Variants in LRP1B observed in about 807,000 individuals in gnomAD.
The protein encoded by LRP1B is low-density lipoprotein receptor-related protein 1B.
In LRP1B, 217 loss-of-function variants were observed where a neutral mutation model predicts 556.6. The observed-to-expected ratio is 0.39, with a 90% CI of 0.35 to 0.44. LRP1B has a LOEUF of 0.44. Among genes scored for constraint, LRP1B ranks in the 20% least tolerant of loss-of-function variants. The pLI, the probability that LRP1B is intolerant of heterozygous loss-of-function variation, is 1.00. For missense variants in LRP1B, 5,053 were observed against 5,620.8 expected (o/e 0.90, Z 3.23); for synonymous variants, 2,047 against 1,865.8 (o/e 1.10, Z -2.50).
chr2:141,018,062 C>A (rs117749775), intron 12 of LRP1B, among the ~76,000 whole-genome samples: 2,117 of 150,648 alleles, frequency 0.014, 69 homozygotes, highest in East Asian at 0.12. Flanking sequence ...AATGAGAATT[C>A]TTAAACACAC....
chr2:141,590,539 GT>G (rs961155462), intron 2 of LRP1B, among the ~76,000 whole-genome samples: 3 of 151,964 alleles, frequency 2.0e-5, no homozygotes, highest in African/African-American at 4.8e-5. Flanking sequence ...GCCTCAAACA[GT>G]TTTTTTTATA....
At chr2:140,809,253 A>G (rs2105026642) in intron 32 of LRP1B, among the ~76,000 whole-genome samples, 1 of 152,266 alleles carries the variant, frequency 6.6e-6, no homozygotes, top group East Asian at 1.9e-4. Flanking sequence ...TTTTAAAAAA[A>G]AATTTTAAAA....
intron 20 of LRP1B, among the ~76,000 whole-genome samples, chr2:140,944,504 A>G (rs1175948266): frequency 6.6e-6 from 1 of 152,152 alleles, no homozygotes; most frequent in East Asian, 1.9e-4. Flanking sequence ...CACAGACACA[A>G]AAGTCCTCAA....
At chr2:140,548,757 C>T (rs1680438578) in intron 43 of LRP1B, among the ~76,000 whole-genome samples, 2 of 151,950 alleles carry the variant, frequency 1.3e-5, no homozygotes, top group African/African-American at 4.8e-5. Flanking sequence ...ATCCCCGTCT[C>T]TACTAATAAC....
At chr2:141,090,877 T>C (rs1700155151) in intron 7 of LRP1B, among the ~76,000 whole-genome samples, 1 of 152,184 alleles carries the variant, frequency 6.6e-6, no homozygotes. Flanking sequence ...ATGAACTACT[T>C]GTACTGATAA....
intron 87 of LRP1B, among the ~76,000 whole-genome samples, chr2:140,243,099 G>A (rs536721214): frequency 6.7e-4 from 101 of 151,072 alleles, no homozygotes; most frequent in African/African-American, 2.4e-3. Context: ...TGGATAGGGG[G>A]CAGTGATGAG....
At chr2:141,311,320 C>T (rs1047139919) in intron 3 of LRP1B, among the ~76,000 whole-genome samples, 8 of 152,194 alleles carry the variant, frequency 5.3e-5, no homozygotes, top group African/African-American at 1.9e-4. Flanking sequence ...TCTACACCTT[C>T]AAATGAATCC....
At chr2:140,495,832 A>G (rs1336531728) in intron 55 of LRP1B, 84 bp from the exon 56 acceptor site, 4 of 1,146,466 alleles carry the variant, frequency 3.5e-6, no homozygotes, top group Non-Finnish European at 4.9e-6. Context: ...ATTAAGCAAG[A>G]AAAGCATTTG....
At chr2:141,812,572 A>G (rs1346202783) in intron 1 of LRP1B, among the ~76,000 whole-genome samples, 5 of 152,106 alleles carry the variant, frequency 3.3e-5, no homozygotes, top group African/African-American at 4.8e-5. Context: ...AGTAAAGAAG[A>G]CCATAAAAAT....
chr2:140,786,797 A>C (rs192093809), intron 32 of LRP1B, among the ~76,000 whole-genome samples: 28 of 152,264 alleles, frequency 1.8e-4, no homozygotes, highest in African/African-American at 6.5e-4. Flanking sequence ...CTAGGGTTAC[A>C]CAGAGAAGAA....
In LRP1B at chr2:140,233,297, T is replaced by G; in HGVS notation, c.13689A>C (p.Ala4563=). The change falls in exon 91 of 91, where the codon GCA becomes GCC. Residue 4563 remains alanine (A), a synonymous_variant. Coordinates refer to ENST00000389484, the MANE Select transcript of LRP1B (RefSeq NM_018557.3). ...GPTNYSNPVY[A]KLYMDGQNCR... ...AGTTTTGCCCATCCATATATAATTTTGCATATACCGGATTGGAGTAATTTG... is the reference window on the plus strand; with the variant it reads ...AGTTTTGCCCATCCATATATAATTTGGCATATACCGGATTGGAGTAATTTG... 1 of 1,602,660 alleles carries G rather than the reference T, an allele frequency of 6.2e-7. No individual in the cohort carries two copies. The highest frequency in any genetic ancestry group is 1.3e-5 in the African/African-American group (1 of 74,404).
intron 49 of LRP1B, among the ~76,000 whole-genome samples, chr2:140,524,462 A>T (rs1226394034): frequency 6.6e-6 from 1 of 151,908 alleles, no homozygotes; most frequent in Non-Finnish European, 1.5e-5. Flanking sequence ...CAATCTCATC[A>T]CATACTCAAA....
At chr2:141,870,849 C>T (rs1205357023) in intron 1 of LRP1B, among the ~76,000 whole-genome samples, 2 of 151,972 alleles carry the variant, frequency 1.3e-5, no homozygotes, top group African/African-American at 2.4e-5. Flanking sequence ...TTCATTATAG[C>T]ATTCCCCAGA....
At chr2:140,602,339 C>A (rs927913876) in intron 41 of LRP1B, among the ~76,000 whole-genome samples, 1 of 152,002 alleles carries the variant, frequency 6.6e-6, no homozygotes, top group Non-Finnish European at 1.5e-5. Flanking sequence ...GTAATTATTT[C>A]TTAAAATTGT....
chr2:141,977,078 C>T (rs188734965), intron 1 of LRP1B, among the ~76,000 whole-genome samples: 36 of 152,080 alleles, frequency 2.4e-4, no homozygotes, highest in East Asian at 1.9e-3. Context: ...AAAAGTTGCA[C>T]GTAGTTTCCA....
rs1559005832 is a variant in LRP1B at position 140,613,376 on chromosome 2, T to TATAATTATATAAATATAAATATAA, written c.6800-11738_6800-11737insTTATATTTATATTTATATAATTAT. 4.0e-3 allele frequency among the ~76,000 whole-genome samples: 420 copies of TATAATTATATAAATATAAATATAA among 104,988 alleles called. 74 individuals carry two copies. Among genetic ancestry groups the TATAATTATATAAATATAAATATAA allele is most frequent in the Non-Finnish European group, 6.4e-3 (304 of 47,736 alleles). The allele number at this position is 104,988 out of a possible 152,430, so 68.9% of individuals were successfully genotyped here. ...AAATAATTATATAAATATAAATATA[T>TATAATTATATAAATATAAATATAA]ATAATTATATACATATAAATATAAA... On this transcript the variant is annotated intron_variant, in intron 41 of 90. Transcript: ENST00000389484.
intron 2 of LRP1B, among the ~76,000 whole-genome samples, chr2:141,555,936 G>A (rs1394983098): frequency 2.7e-5 from 4 of 150,134 alleles, no homozygotes; most frequent in Non-Finnish European, 5.9e-5. Context: ...TTTCTGCAGG[G>A]TTTTGTTTTG....
intron 2 of LRP1B, among the ~76,000 whole-genome samples, chr2:141,496,692 A>G (rs574680344): frequency 6.6e-6 from 1 of 152,172 alleles, no homozygotes; most frequent in Non-Finnish European, 1.5e-5. Context: ...GAGCATATGC[A>G]TTCATAGTCA....
At chr2:141,377,431 T>C (rs2104879904) in intron 3 of LRP1B, among the ~76,000 whole-genome samples, 1 of 152,238 alleles carries the variant, frequency 6.6e-6, no homozygotes, top group East Asian at 1.9e-4. Context: ...CATTCATGGA[T>C]TGTCATGTTG....
Sources: allele counts gnomAD v4.1 joint callset (sites outside exome capture counted in the v4.1 genomes callset), GRCh38; gene constraint gnomAD v4.1.1; transcripts MANE v1.5; gene names NCBI Gene and HGNC (gene_info 2026-07-23, HGNC 2026-07-21).